ZNF793: variants seen among roughly 807,000 people sequenced by gnomAD.
The protein encoded by ZNF793 is zinc finger protein 793.
Under a neutral mutation model 12.4 loss-of-function variants are expected in ZNF793, and 5 were observed. The ratio of observed to expected loss-of-function variants is 0.40; its 90% CI spans 0.21 to 0.84. The LOEUF (loss-of-function observed/expected upper bound fraction) is 0.84. Among genes scored for constraint, ZNF793 ranks in the 40% least tolerant of loss-of-function variants. The pLI is 0.35. For missense variants in ZNF793, 456 were observed against 495.0 expected (o/e 0.92, Z 0.75); for synonymous variants, 162 against 172.4 (o/e 0.94, Z 0.47).
Position 37,538,927 on chromosome 19 carries a change from T to A in ZNF793, c.*1048T>A, listed in dbSNP as rs1348580775. The A allele has an allele frequency of 6.6e-6, 1 of 152,222 alleles. No individual in the cohort carries two copies. Among genetic ancestry groups the A allele is most frequent in the Non-Finnish European group, 1.5e-5 (1 of 68,038 alleles). The allele number at this position is 152,222 out of a possible 1,614,324, so 9.4% of individuals were successfully genotyped here. A position where few individuals can be genotyped will look rare whatever the true frequency, so the allele number is the denominator to read the frequency against. ...ACTTTTCCACTTTAAATATCATCATTGTCTTTTGATGTCTTAACAATACAA... is the reference window on the plus strand; with the variant it reads ...ACTTTTCCACTTTAAATATCATCATAGTCTTTTGATGTCTTAACAATACAA... On this transcript the variant is annotated 3_prime_UTR_variant, in exon 8 of 8. Coordinates refer to ENST00000627814, the MANE Select transcript of ZNF793 (RefSeq NM_001013659.3).
Position 37,538,004 on chromosome 19 carries a change from C to G in ZNF793, c.*125C>G. ...TCGGCTTACTGCAAGCTCTGCCTCC[C>G]GGGTTCACGCCATTCTCCTGCCTCA... On this transcript the variant is annotated 3_prime_UTR_variant, in exon 8 of 8. Coordinates refer to ENST00000627814, the MANE Select transcript of ZNF793 (RefSeq NM_001013659.3). The G allele has an allele frequency of 8.4e-7, 1 of 1,188,336 alleles. No homozygotes were observed. Among genetic ancestry groups the G allele is most frequent in the Non-Finnish European group, 1.1e-6 (1 of 880,800 alleles). 73.6% of individuals were successfully genotyped at this position (1,188,336 alleles called of 1,614,324 possible).
intron 2 of ZNF793, among the ~76,000 whole-genome samples, chr19:37,514,077 T>C (rs2042312621): frequency 6.6e-6 from 1 of 152,170 alleles, no homozygotes; most frequent in Non-Finnish European, 1.5e-5. Flanking sequence ...TGAACAGATA[T>C]ACAAATTAGG....
chr19:37,536,972 A>G lies in ZNF793; in HGVS notation c.314A>G (p.Lys105Arg), dbSNP rs1052093563. 6.2e-7 allele frequency: 1 copy of G among 1,613,942 alleles called. No individual in the cohort carries two copies. Among genetic ancestry groups the G allele is most frequent in the African/African-American group, 1.3e-5 (1 of 74,956 alleles). The change falls in exon 8 of 8, where the codon AAG becomes AGG. Residue 105 changes from lysine (K) to arginine (R), a missense_variant. Physicochemically the swap from Lys to Arg is conservative, Grantham distance 26 (BLOSUM62 2). Transcript: ENST00000627814. The part of the protein sequence containing the change: ...MLLRPGAAIS[K>R]KTLPKEKSCE... ...TTGAGGCCAGGCGCAGCCATAAGCA[A>G]GAAAACATTGCCCAAGGAGAAAAGC...
chr19:37,525,361 A>G (rs1190949499), intron 5 of ZNF793, among the ~76,000 whole-genome samples: 1 of 150,244 alleles, frequency 6.7e-6, no homozygotes, highest in East Asian at 2.0e-4. Flanking sequence ...GATGGTCTCG[A>G]TCTCCTGACC....
intron 5 of ZNF793, among the ~76,000 whole-genome samples, chr19:37,531,171 G>GTT (rs34781214): frequency 5.3e-5 from 8 of 149,898 alleles, no homozygotes; most frequent in Non-Finnish European, 7.4e-5. Flanking sequence ...TTTTTTGTTT[G>GTT]TTTTTTTTTG....
At chr19:37,536,805 C>T in intron 7 of ZNF793, 92 bp from the exon 8 acceptor site, 1 of 1,377,964 alleles carries the variant, frequency 7.3e-7, no homozygotes, top group African/African-American at 1.6e-5. Context: ...GGTTCATGTT[C>T]TCTATTTGTG....
Position 37,537,542 on chromosome 19 carries a change from A to C in ZNF793, c.884A>C (p.Lys295Thr). 6.2e-7 allele frequency: 1 copy of C among 1,614,238 alleles called. No individual in the cohort carries two copies. The highest frequency in any genetic ancestry group is 8.5e-7 in the Non-Finnish European group (1 of 1,180,032). Residue 295 changes from lysine to threonine, a missense_variant, in exon 8 of 8, where the codon AAG becomes ACG. By Grantham distance (78) the Lys-to-Thr change is moderately conservative (BLOSUM62 -1). Coordinates refer to ENST00000627814, the MANE Select transcript of ZNF793 (RefSeq NM_001013659.3). ...TTTTGTGGGAAAGCCTTTACCCAGA[A>C]GTCACACCGCACAGAACATCAGAGA... Reference protein sequence around the residue: ...CFFCGKAFTQKSHRTEHQRTH... With the variant: ...CFFCGKAFTQTSHRTEHQRTH...
chr19:37,523,808 A>G (rs2042392583), intron 5 of ZNF793, among the ~76,000 whole-genome samples: 1 of 152,158 alleles, frequency 6.6e-6, no homozygotes, highest in Non-Finnish European at 1.5e-5. Flanking sequence ...AGGAGGGTAG[A>G]TATCCTTGGA....
At chr19:37,533,019 A>C (rs2042474462) in intron 6 of ZNF793, among the ~76,000 whole-genome samples, 1 of 152,166 alleles carries the variant, frequency 6.6e-6, no homozygotes, top group Non-Finnish European at 1.5e-5. Context: ...TGAGGTACAG[A>C]GAGGTGAAGT....
chr19:37,517,969 C>G (rs1409957044), intron 2 of ZNF793, among the ~76,000 whole-genome samples: 1 of 152,146 alleles, frequency 6.6e-6, no homozygotes, highest in Non-Finnish European at 1.5e-5. Context: ...AGTCCCTTCA[C>G]TCAGAGAAAG....
Position 37,523,384 on chromosome 19 carries a change from A to G in ZNF793, c.-30-26A>G, listed in dbSNP as rs897460526. The G allele has an allele frequency of 5.0e-6, 8 of 1,585,828 alleles. No homozygotes were observed. The South Asian group carries it at 6.6e-5, about 13-fold the overall frequency. Reference sequence around the variant, plus strand: ...TCTGTTCTCTGTTCTCTCTTTCTCCATCTTCTTCCCCCCACATGTCTACAG... The same window carrying G: ...TCTGTTCTCTGTTCTCTCTTTCTCCGTCTTCTTCCCCCCACATGTCTACAG... On this transcript the variant is annotated intron_variant, in intron 4 of 7. Coordinates refer to ENST00000627814, the MANE Select transcript of ZNF793 (RefSeq NM_001013659.3).
chr19:37,536,888 T>C lies in ZNF793; in HGVS notation c.239-9T>C, dbSNP rs2147113204. ...GTTTCATAAGGATGATTCACTGTAC[T>C]TTCTCCAGAAGACATCTGGCGAGTT... On this transcript the variant is annotated splice_polypyrimidine_tract_variant and intron_variant, in intron 7 of 7. Transcript: ENST00000627814. The C allele has an allele frequency of 1.9e-6, 3 of 1,588,490 alleles. No homozygotes were observed. In the East Asian group the frequency reaches 6.7e-5, roughly 35 times the overall value.
intron 6 of ZNF793, 120 bp from the exon 7 acceptor site, chr19:37,533,188 A>G (rs1279310867): frequency 2.5e-5 from 19 of 745,368 alleles, no homozygotes; most frequent in Middle Eastern, 3.7e-4. Flanking sequence ...GGTTCTGGAC[A>G]AGGTGTGTGT....
rs1665528603 is a variant in ZNF793, at chr19:37,537,094, T to G, written c.436T>G (p.Leu146Val). Residue 146 changes from leucine to valine, a missense_variant, in exon 8 of 8, where the codon TTG becomes GTG. Coordinates refer to ENST00000627814, the MANE Select transcript of ZNF793 (RefSeq NM_001013659.3). ...TAACTGGAACCCTTGTGGAAAGAAT[T>G]TGAACCATAATTTAGACTTGATTGG... ...PSNWNPCGKN[L>V]NHNLDLIGFK... The G allele has an allele frequency of 6.2e-7, 1 of 1,613,516 alleles. No homozygotes were observed. Among genetic ancestry groups the G allele is most frequent in the African/African-American group, 1.3e-5 (1 of 74,922 alleles).
intron 5 of ZNF793, among the ~76,000 whole-genome samples, chr19:37,530,373 G>T (rs2042449537): frequency 6.6e-6 from 1 of 152,156 alleles, no homozygotes; most frequent in Non-Finnish European, 1.5e-5. Flanking sequence ...GCTGGGGGAT[G>T]GTCAGGTCTT....
rs573888277 is a variant in ZNF793, at chr19:37,531,175, T to G, written c.16-1181T>G. Among the ~76,000 whole-genome samples, 25 of 151,914 alleles carry G rather than the reference T, an allele frequency of 1.6e-4. 2 individuals carry two copies. Among genetic ancestry groups the G allele is most frequent in the Admixed American group, 7.9e-4 (12 of 15,240 alleles). ...CATCATTTCTTTTTTTTGTTTGTTT[T>G]TTTTTGTTTGAGTCAGAGTCTCACC... On this transcript the variant is annotated intron_variant, in intron 5 of 7. Transcript: ENST00000627814.
chr19:37,528,924 C>A (rs907074041), intron 5 of ZNF793, among the ~76,000 whole-genome samples: 1 of 152,146 alleles, frequency 6.6e-6, no homozygotes, highest in Non-Finnish European at 1.5e-5. Flanking sequence ...ATTTTAGCTC[C>A]ATTCCTGATC....
rs753901089 is a variant in ZNF793 at position 37,538,961 on chromosome 19, C to A, written c.*1082C>A. The A allele has an allele frequency of 1.1e-4, 16 of 152,194 alleles. No homozygotes were observed. Among genetic ancestry groups the A allele is most frequent in the Non-Finnish European group, 2.2e-4 (15 of 67,980 alleles). The allele number at this position is 152,194 out of a possible 1,614,324, so 9.4% of individuals were successfully genotyped here. A position where few individuals can be genotyped will look rare whatever the true frequency, so the allele number is the denominator to read the frequency against. On this transcript the variant is annotated 3_prime_UTR_variant, in exon 8 of 8. Transcript: ENST00000627814. ...ATGTCTTAACAATACAAAAAAATAA[C>A]AACAACATGGCCCACTATTGTTAAA... is the stretch of plus-strand genomic sequence containing the variant.
At chr19:37,523,505 A>C in intron 5 of ZNF793, 51 bp downstream of exon 5, 1 of 1,580,360 alleles carries the variant, frequency 6.3e-7, no homozygotes, top group Non-Finnish European at 8.7e-7. Context: ...AAACTGTCCT[A>C]GAGGAAAAAA....
Sources: allele counts gnomAD v4.1 joint callset (sites outside exome capture counted in the v4.1 genomes callset), GRCh38; gene constraint gnomAD v4.1.1; transcripts MANE v1.5; gene names NCBI Gene and HGNC (gene_info 2026-07-23, HGNC 2026-07-21).